Variants in DNM3 observed in about 807,000 individuals in gnomAD.
DNM3 encodes the protein dynamin-3.
Under a neutral mutation model 101.6 loss-of-function variants are expected in DNM3, and 47 were observed. That is an observed-to-expected ratio of 0.46 (90% CI 0.37 to 0.59). The LOEUF is 0.59. Among genes scored for constraint, DNM3 ranks in the 20% least tolerant of loss-of-function variants. The pLI is 0.00. For missense variants in DNM3, 849 were observed against 1,085.7 expected (o/e 0.78, Z 3.06); for synonymous variants, 385 against 387.9 (o/e 0.99, Z 0.09).
At chr1:172,387,569 G>T (rs926953543) in intron 19 of DNM3, among the ~76,000 whole-genome samples, 1 of 151,936 alleles carries the variant, frequency 6.6e-6, no homozygotes, top group Non-Finnish European at 1.5e-5. Context: ...TGAGGCAGGA[G>T]AATGGTGTGA....
At chr1:172,240,733 A>G (rs923150818) in intron 14 of DNM3, among the ~76,000 whole-genome samples, 1 of 152,198 alleles carries the variant, frequency 6.6e-6, no homozygotes, top group Non-Finnish European at 1.5e-5. Context: ...GAGTTGAAAG[A>G]CATTTGTCTT....
intron 13 of DNM3, among the ~76,000 whole-genome samples, chr1:172,100,910 G>T (rs1487593811): frequency 6.6e-6 from 1 of 152,186 alleles, no homozygotes; most frequent in Non-Finnish European, 1.5e-5. Context: ...AGAAATAAGA[G>T]TCTTTCTCCC....
chr1:172,229,579 TCCATAGGTTTAA>T (rs1295808780), intron 14 of DNM3, among the ~76,000 whole-genome samples: 1 of 152,152 alleles, frequency 6.6e-6, no homozygotes, highest in African/African-American at 2.4e-5. Context: ...ATCTATCCTA[TCCATAGGTTTAA>T]CTCTAGCAAT....
rs1306239351 is a variant in DNM3 at position 172,323,338 on chromosome 1, A to G, written c.1891A>G (p.Lys631Glu). 1 of 1,606,458 alleles carries G rather than the reference A, an allele frequency of 6.2e-7. No homozygotes were observed. The highest frequency in any genetic ancestry group is 1.3e-5 in the African/African-American group (1 of 74,876). The change falls in exon 17 of 21, where the codon AAA becomes GAA. Residue 631 changes from lysine (K) to glutamate (E), a missense_variant and splice_region_variant. Physicochemically the swap from Lys to Glu is moderately conservative, Grantham distance 56. This residue lies in a region of DNM3 where 256 missense variants were observed against 311.7 expected (regional missense o/e 0.82). Transcript: ENST00000627582. ...GCGGCTACATGCATAGGGGAACAACAAAGTAAGTTATTTGTCCTCTTGCAG... is the reference window on the plus strand; with the variant it reads ...GCGGCTACATGCATAGGGGAACAACGAAGTAAGTTATTTGTCCTCTTGCAG... Reference protein sequence around the residue: ...VYPDKSVGNNKAENDENGQAE... With the variant: ...VYPDKSVGNNEAENDENGQAE...
intron 13 of DNM3, among the ~76,000 whole-genome samples, chr1:172,110,751 G>A (rs1214716886): frequency 6.6e-6 from 1 of 152,208 alleles, no homozygotes; most frequent in African/African-American, 2.4e-5. Flanking sequence ...ATTGTTACAT[G>A]TAGGTTGGGT....
Position 171,865,311 on chromosome 1 carries a change from T to A in DNM3, c.161+23494T>A, listed in dbSNP as rs148434005. 6.3e-3 allele frequency among the ~76,000 whole-genome samples: 931 copies of A among 148,260 alleles called. 5 individuals are homozygous for A. The highest frequency in any genetic ancestry group is 0.044 in the Middle Eastern group (12 of 270). ...CAGGCAAATCGCTTGAGCCCGGGAG[T>A]TCTAGACAAGCCTGGGCAACGTGGT... is the stretch of plus-strand genomic sequence containing the variant. On this transcript the variant is annotated intron_variant, in intron 1 of 20. Transcript: ENST00000627582.
At chr1:172,385,002 CTCTAAA>C (rs2069109637) in intron 18 of DNM3, among the ~76,000 whole-genome samples, 1 of 152,198 alleles carries the variant, frequency 6.6e-6, no homozygotes, top group African/African-American at 2.4e-5. Context: ...GCTGCCTTCC[CTCTAAA>C]TCTGACTTTC....
intron 4 of DNM3, among the ~76,000 whole-genome samples, chr1:172,012,727 T>C (rs1255895204): frequency 1.3e-5 from 2 of 151,978 alleles, no homozygotes; most frequent in African/African-American, 4.8e-5. Context: ...GTAAGCAAGG[T>C]AGAGTCCCTG....
chr1:172,132,865 A>G (rs1209902649), intron 14 of DNM3: 1 of 808,176 alleles, frequency 1.2e-6, no homozygotes, highest in South Asian at 1.5e-5. Flanking sequence ...AGTCTTTTCT[A>G]CAGGACTATT....
At chr1:172,142,470 G>T (rs1346158428) in intron 14 of DNM3, among the ~76,000 whole-genome samples, 1 of 151,752 alleles carries the variant, frequency 6.6e-6, no homozygotes, top group African/African-American at 2.4e-5. Flanking sequence ...AAAATAAGTC[G>T]CTAGAGCCAC....
At chr1:172,039,711 T>G (rs902431807) in intron 7 of DNM3, among the ~76,000 whole-genome samples, 4 of 152,036 alleles carry the variant, frequency 2.6e-5, no homozygotes, top group African/African-American at 9.7e-5. Context: ...CTGATTCAGC[T>G]CCTTCTTTAT....
intron 10 of DNM3, among the ~76,000 whole-genome samples, chr1:172,050,983 T>G (rs939492520): frequency 6.6e-6 from 1 of 152,218 alleles, no homozygotes; most frequent in Non-Finnish European, 1.5e-5. Context: ...ACTTTTTGGC[T>G]TCTATTCTTG....
chr1:172,253,095 G>C (rs1312418991), intron 14 of DNM3, among the ~76,000 whole-genome samples: 1 of 152,058 alleles, frequency 6.6e-6, no homozygotes, highest in Non-Finnish European at 1.5e-5. Context: ...AACTGCTTAG[G>C]CTGCAAATAA....
intron 18 of DNM3, among the ~76,000 whole-genome samples, chr1:172,382,407 G>A (rs917655035): frequency 6.6e-6 from 1 of 152,146 alleles, no homozygotes; most frequent in Non-Finnish European, 1.5e-5. Context: ...GTGTGGCAAA[G>A]TGGCACATAA....
intron 15 of DNM3, among the ~76,000 whole-genome samples, chr1:172,277,944 A>T (rs1234157230): frequency 6.6e-6 from 1 of 152,138 alleles, no homozygotes; most frequent in African/African-American, 2.4e-5. Flanking sequence ...CAATTTATAT[A>T]AAATTATGAC....
intron 14 of DNM3, chr1:172,138,351 CAAAAAAAAAA>C (rs926351922): frequency 8.6e-4 from 52 of 60,234 alleles, no homozygotes; most frequent in African/African-American, 2.3e-3. Flanking sequence ...TATCCCCTTC[CAAAAAAAAAA>C]AAAAAAAAAA....
intron 15 of DNM3, chr1:172,289,366 A>G (rs887522508): frequency 1.2e-5 from 2 of 171,614 alleles, no homozygotes; most frequent in African/African-American, 4.8e-5. Context: ...CCTATATGTA[A>G]CATCCATAAT....
chr1:171,916,024 G>T lies in DNM3; in HGVS notation c.162-5724G>T, dbSNP rs184093167. 2.6e-5 allele frequency among the ~76,000 whole-genome samples: 4 copies of T among 152,308 alleles called. No individual in the cohort carries two copies. The East Asian group carries it at 7.7e-4, about 29-fold the overall frequency. On this transcript the variant is annotated intron_variant, in intron 1 of 20. Coordinates refer to ENST00000627582, the MANE Select transcript of DNM3 (RefSeq NM_015569.5). ...TCCAGACAAGACTTTTGTCCTGAGTGCCAACTGTTCAGTCTAACTGCCTAC... is the reference window on the plus strand; with the variant it reads ...TCCAGACAAGACTTTTGTCCTGAGTTCCAACTGTTCAGTCTAACTGCCTAC...
chr1:172,007,958 CG>C (rs1417252842), intron 4 of DNM3, among the ~76,000 whole-genome samples: 2 of 151,834 alleles, frequency 1.3e-5, no homozygotes, highest in African/African-American at 4.8e-5. Context: ...TAATTATTGA[CG>C]TTGAGCATTT....
Sources: gnomAD v4.1 joint callset for allele counts (sites outside exome capture counted in the v4.1 genomes callset) on GRCh38, gnomAD v4.1.1 for gene constraint, gnomAD v4.1.1 regional missense constraint, MANE v1.5 for transcripts, NCBI Gene and HGNC (gene_info 2026-07-23, HGNC 2026-07-21) for gene names.